Variants in UNC79 observed in about 807,000 individuals in gnomAD.
UNC79 encodes the protein unc-79 subunit of NALCN channel complex, also known as protein unc-79 homolog.
In UNC79, 37 loss-of-function variants were observed where a neutral mutation model predicts 283.1. The ratio of observed to expected loss-of-function variants is 0.13; its 90% confidence interval spans 0.10 to 0.17. The LOEUF is 0.17. UNC79 is among the 10% of genes least tolerant of loss of function. The pLI is 1.00. For synonymous variants in UNC79, 1,107 were observed against 1,200.2 expected (o/e 0.92, Z 1.61); for missense variants, 2,272 against 3,211.1 (o/e 0.71, Z 7.07).
rs1190465577 is a variant in UNC79 at position 93,621,419 on chromosome 14, A to G, written c.4388-202A>G. 6.6e-6 allele frequency among the ~76,000 whole-genome samples: 1 copy of G among 152,202 alleles called. No homozygotes were observed. The highest frequency in any genetic ancestry group is 1.9e-4 in the East Asian group (1 of 5,192). On this transcript the variant is annotated intron_variant, in intron 29 of 48. Coordinates refer to ENST00000555664, the Ensembl canonical transcript of UNC79. This position sits in a 1 kb window ranked among gnomAD's most constrained non-coding sequence, Gnocchi z 4.8. ...TTTGGAAATCAGATCTTAAACTGCC[A>G]TTTTGGTTTCTTTCATTCGTAAATT... is the stretch of plus-strand genomic sequence containing the variant.
chr14:93,700,471 T>C (rs2075448416), intron 47 of UNC79, among the ~76,000 whole-genome samples: 1 of 152,228 alleles, frequency 6.6e-6, no homozygotes, highest in Non-Finnish European at 1.5e-5. Context: ...GTTATCTGTG[T>C]CATTTTTGTT....
intron 27 of UNC79, among the ~76,000 whole-genome samples, chr14:93,615,147 G>C (rs1421714160): frequency 6.6e-6 from 1 of 152,090 alleles, no homozygotes; most frequent in Non-Finnish European, 1.5e-5. Flanking sequence ...TTTTTTGATA[G>C]ATTAGAGAAA....
chr14:93,370,584 G>A (rs1227904349), intron 1 of UNC79, among the ~76,000 whole-genome samples: 10 of 151,732 alleles, frequency 6.6e-5, no homozygotes, highest in Non-Finnish European at 5.9e-5. Flanking sequence ...CATCCTGGCT[G>A]ACACGGTGAA....
At chr14:93,624,249 CT>C (rs2067369564) in intron 30 of UNC79, among the ~76,000 whole-genome samples, 1 of 152,156 alleles carries the variant, frequency 6.6e-6, no homozygotes, top group Admixed American at 6.5e-5. Context: ...CAAAAACGCG[CT>C]GTAAAAATCT....
intron 1 of UNC79, among the ~76,000 whole-genome samples, chr14:93,449,539 G>A (rs74072894): frequency 0.087 from 13,159 of 151,680 alleles, 632 homozygotes; most frequent in African/African-American, 0.12. Context: ...GATCCCTTGA[G>A]GCCAGGAGTT....
At chr14:93,610,193 A>G (rs369324583) in intron 26 of UNC79, among the ~76,000 whole-genome samples, 5 of 152,162 alleles carry the variant, frequency 3.3e-5, no homozygotes, top group African/African-American at 9.7e-5. Flanking sequence ...TTGAATTGGG[A>G]TGGAAGGAAA....
At position 93,418,459 on chromosome 14, in the gene UNC79, G is replaced by A. The variant is rs1312066623; in HGVS notation, c.-350-49212G>A. Among the ~76,000 whole-genome samples the A allele has an allele frequency of 8.6e-5, 13 of 151,846 alleles. 1 individual carries two copies. The highest frequency in any genetic ancestry group is 2.0e-4 in the East Asian group (1 of 5,128). ...GGGGTGCCTCCCAGTTAGGCTGCTCGGGGGTCAGGAGTCAGGGACCCACTT... is the reference window on the plus strand; with the variant it reads ...GGGGTGCCTCCCAGTTAGGCTGCTCAGGGGTCAGGAGTCAGGGACCCACTT... On this transcript the variant is annotated intron_variant, in intron 1 of 49. Transcript: ENST00000256339.
At chr14:93,705,086 T>G (rs1456419655) in intron 48 of UNC79, among the ~76,000 whole-genome samples, 1 of 151,748 alleles carries the variant, frequency 6.6e-6, no homozygotes, top group African/African-American at 2.4e-5. Context: ...GAATAAAAAT[T>G]TAACTGGCTG....
chr14:93,556,052 T>G lies in UNC79; in HGVS notation c.1755+13356T>G, dbSNP rs142927526. Among the ~76,000 whole-genome samples the G allele has an allele frequency of 2.5e-3, 377 of 152,184 alleles. 7 individuals carry two copies. The East Asian group carries it at 0.059, about 24-fold the overall frequency. ...GGGCACAGCTGGAAGGCAGAACAGA[T>G]CTCCCAAAATCAAGGATCCCATTTC... On this transcript the variant is annotated intron_variant, in intron 14 of 48. Transcript: ENST00000555664.
chr14:93,624,939 T>C (rs930409749), intron 30 of UNC79, among the ~76,000 whole-genome samples: 2 of 152,196 alleles, frequency 1.3e-5, no homozygotes, highest in African/African-American at 2.4e-5. Flanking sequence ...CACTGTGCAC[T>C]TCACTCTGTT....
At chr14:93,693,212 A>G (rs1326395173) in intron 46 of UNC79, among the ~76,000 whole-genome samples, 1 of 152,256 alleles carries the variant, frequency 6.6e-6, no homozygotes. Context: ...GCGTTTGAAT[A>G]GTTCTGTTAA....
intron 1 of UNC79, among the ~76,000 whole-genome samples, chr14:93,343,263 A>G (rs1178849932): frequency 6.6e-6 from 1 of 152,252 alleles, no homozygotes; most frequent in Non-Finnish European, 1.5e-5. Flanking sequence ...ATAGTTCTGC[A>G]TGGCTGGGGA....
At chr14:93,454,738 A>G (rs1017380665) in intron 1 of UNC79, among the ~76,000 whole-genome samples, 8 of 152,170 alleles carry the variant, frequency 5.3e-5, no homozygotes, top group Admixed American at 2.6e-4. Context: ...TGATATATCA[A>G]AGTACCTCAT....
Position 93,457,026 on chromosome 14 carries a change from T to C in UNC79, c.23-10645T>C, listed in dbSNP as rs568414197. The stretch of plus-strand genomic sequence containing the variant: ...CAAGTAGTTCTTGTGATACAAATTG[T>C]TCTTCCTATGAGTAGTAGGAAGAGG... On this transcript the variant is annotated intron_variant, in intron 1 of 48. Transcript: ENST00000555664. 6.6e-5 allele frequency among the ~76,000 whole-genome samples: 10 copies of C among 152,334 alleles called. No individual in the cohort carries two copies. In the South Asian group the frequency reaches 2.1e-3, roughly 32 times the overall value.
intron 1 of UNC79, among the ~76,000 whole-genome samples, chr14:93,375,790 G>C (rs568699134): frequency 6.6e-6 from 1 of 152,278 alleles, no homozygotes; most frequent in South Asian, 2.1e-4. Context: ...ATTCATGACG[G>C]ATTACCCCCA....
At chr14:93,424,727 T>G (rs2055685914) in intron 1 of UNC79, among the ~76,000 whole-genome samples, 1 of 148,618 alleles carries the variant, frequency 6.7e-6, no homozygotes, top group African/African-American at 2.5e-5. Context: ...ATAGTGGGGG[T>G]GGAGGGGCAA....
At chr14:93,457,267 T>C (rs1183475458) in intron 1 of UNC79, among the ~76,000 whole-genome samples, 1 of 152,256 alleles carries the variant, frequency 6.6e-6, no homozygotes, top group Non-Finnish European at 1.5e-5. Context: ...ATCTGAAGGT[T>C]CTAGTAGCCT....
At position 93,617,181 on chromosome 14, in the gene UNC79, C is replaced by T. The variant is rs2066793313; in HGVS notation, c.4101C>T (p.Leu1367=). The change falls in exon 28 of 49, where the codon CTC becomes CTT. Residue 1367 remains leucine (L), a synonymous_variant. Transcript: ENST00000555664. This position sits in a 1 kb window ranked among gnomAD's most constrained non-coding sequence, Gnocchi z 4.5. ...TTCTCCCCTTAGTGGTTCAGGTGCT[C>T]AAATACTGCTCTTGTCCTCAACTCC... is the stretch of plus-strand genomic sequence containing the variant. 3 of 1,614,010 alleles carry T rather than the reference C, an allele frequency of 1.9e-6. No individual in the cohort carries two copies. In the South Asian group the frequency reaches 3.3e-5, roughly 18 times the overall value.
At chr14:93,385,871 G>T (rs762901094) in intron 1 of UNC79, among the ~76,000 whole-genome samples, 2 of 151,830 alleles carry the variant, frequency 1.3e-5, no homozygotes, top group African/African-American at 4.8e-5. Flanking sequence ...ATAACTTTTT[G>T]GTGGAGTCTT....
Sources: gnomAD v4.1 joint callset for allele counts (sites outside exome capture counted in the v4.1 genomes callset) on GRCh38, gnomAD v4.1.1 for gene constraint, Gnocchi (gnomAD v3.1) non-coding constraint, MANE v1.5 for transcripts, NCBI Gene and HGNC (gene_info 2026-07-23, HGNC 2026-07-21) for gene names.